CEP128: variants seen among roughly 807,000 people sequenced by gnomAD.
CEP128 encodes the protein centrosomal protein 128.
A neutral mutation model predicts 156.7 loss-of-function variants in CEP128; 132 were observed. The ratio of observed to expected loss-of-function variants is 0.84; its 90% CI spans 0.73 to 0.97. CEP128 has a LOEUF of 0.97. CEP128 is among the 50% of genes least tolerant of loss of function. The pLI is 0.00. For synonymous variants in CEP128, 469 were observed against 448.9 expected (o/e 1.04, Z -0.57); for missense variants, 1,252 against 1,281.9 (o/e 0.98, Z 0.36).
intron 4 of CEP128, among the ~76,000 whole-genome samples, chr14:80,907,359 G>C (rs780296374): frequency 6.6e-6 from 1 of 151,872 alleles, no homozygotes; most frequent in Non-Finnish European, 1.5e-5. Context: ...TTGAGTATTC[G>C]CCAGCCAGCT....
chr14:80,910,511 G>A (rs722906), intron 4 of CEP128, among the ~76,000 whole-genome samples: 67,698 of 151,984 alleles, frequency 0.45, 15,468 homozygotes, highest in South Asian at 0.56. Context: ...CTCCGGCCAT[G>A]TGATGTGTGT....
At chr14:80,948,586 C>T (rs1057492024) in intron 2 of CEP128, among the ~76,000 whole-genome samples, 5 of 152,166 alleles carry the variant, frequency 3.3e-5, no homozygotes, top group Non-Finnish European at 7.4e-5. Flanking sequence ...AAAGATAAAA[C>T]ACACAGAGGC....
chr14:80,954,395 C>T (rs754683326), intron 2 of CEP128, among the ~76,000 whole-genome samples: 3 of 152,132 alleles, frequency 2.0e-5, no homozygotes, highest in African/African-American at 4.8e-5. Context: ...AGTCGCGAGA[C>T]ACTTGGTTCG....
intron 8 of CEP128, among the ~76,000 whole-genome samples, chr14:80,867,592 T>C (rs896394538): frequency 6.6e-6 from 1 of 151,992 alleles, no homozygotes; most frequent in African/African-American, 2.4e-5. Context: ...AACTGAATAA[T>C]TCCAGAGCAA....
At chr14:80,847,202 G>C (rs1566667728) in intron 9 of CEP128, among the ~76,000 whole-genome samples, 1 of 152,074 alleles carries the variant, frequency 6.6e-6, no homozygotes, top group Non-Finnish European at 1.5e-5. Flanking sequence ...AGGGCAAGGA[G>C]GGAAATCAAG....
chr14:80,632,922 G>A (rs1330913483), intron 19 of CEP128, among the ~76,000 whole-genome samples: 4 of 152,056 alleles, frequency 2.6e-5, no homozygotes, highest in South Asian at 2.1e-4. Context: ...TGCTCACTAC[G>A]TGTGCATTTA....
chr14:80,689,634 T>A (rs1438172119), intron 19 of CEP128, among the ~76,000 whole-genome samples: 2 of 152,088 alleles, frequency 1.3e-5, no homozygotes, highest in Non-Finnish European at 2.9e-5. Flanking sequence ...TAAAAAGACA[T>A]TAGGTTTTGA....
intron 19 of CEP128, among the ~76,000 whole-genome samples, chr14:80,741,556 C>A (rs937949052): frequency 6.6e-6 from 1 of 152,124 alleles, no homozygotes; most frequent in African/African-American, 2.4e-5. Context: ...TATAGCAGCA[C>A]TCAGTGATGG....
Position 80,808,824 on chromosome 14 carries a change from G to A in CEP128, c.1210-15714C>T, listed in dbSNP as rs899543217. The stretch of plus-strand genomic sequence containing the variant: ...ATGCACCCAGAATAAAAGCCTAAGG[G>A]CCCTTCCCAACCAACGCCACTAATG... On this transcript the variant is annotated intron_variant, in intron 13 of 24. Coordinates refer to ENST00000555265, the MANE Select transcript of CEP128 (RefSeq NM_152446.5). 2.3e-4 allele frequency among the ~76,000 whole-genome samples: 35 copies of A among 151,812 alleles called. 1 individual carries two copies. Among genetic ancestry groups the A allele is most frequent in the African/African-American group, 8.2e-4 (34 of 41,324 alleles).
intron 19 of CEP128, among the ~76,000 whole-genome samples, chr14:80,667,684 C>A (rs1288850068): frequency 6.6e-6 from 1 of 151,854 alleles, no homozygotes; most frequent in African/African-American, 2.4e-5. Flanking sequence ...CGGTGAAACC[C>A]CGTCTCTACT....
At chr14:80,892,219 C>A (rs1016788106) in intron 8 of CEP128, among the ~76,000 whole-genome samples, 1 of 151,800 alleles carries the variant, frequency 6.6e-6, no homozygotes, top group Admixed American at 6.6e-5. Flanking sequence ...GACACATACA[C>A]CAATAGAACA....
Position 80,679,859 on chromosome 14 carries a change from G to A in CEP128, c.2806+63216C>T, listed in dbSNP as rs143887427. Among the ~76,000 whole-genome samples, 62 of 152,274 alleles carry A rather than the reference G, an allele frequency of 4.1e-4. No individual in the cohort carries two copies. The South Asian group carries it at 5.8e-3, about 14-fold the overall frequency. On this transcript the variant is annotated intron_variant, in intron 19 of 24. Transcript: ENST00000555265. ...GTGGGCAACACAGTCCTACCAATATGTGATGTCACCCCCGGAGGCCCAGCT... is the reference window on the plus strand; with the variant it reads ...GTGGGCAACACAGTCCTACCAATATATGATGTCACCCCCGGAGGCCCAGCT...
intron 19 of CEP128, among the ~76,000 whole-genome samples, chr14:80,654,339 G>T (rs886647707): frequency 6.6e-6 from 1 of 152,090 alleles, no homozygotes; most frequent in Non-Finnish European, 1.5e-5. Context: ...GAAGATGAAG[G>T]GCTTGGGAGA....
intron 20 of CEP128, among the ~76,000 whole-genome samples, chr14:80,561,351 T>G (rs1051539106): frequency 2.0e-5 from 3 of 152,224 alleles, no homozygotes; most frequent in East Asian, 3.8e-4. Context: ...TTGTATATTG[T>G]CACATTTGAG....
rs753493535 is a variant in CEP128 at position 80,815,713 on chromosome 14, T to TAC, written c.1209+15428_1209+15429dup. ...TGGATTTTTGAAAATGTGGTGTGTA[T>TAC]ACACACACACACAAAATGGAATACT... On this transcript the variant is annotated intron_variant, in intron 13 of 24. Transcript: ENST00000555265. Among the ~76,000 whole-genome samples, 55 of 152,092 alleles carry TAC rather than the reference T, an allele frequency of 3.6e-4. No homozygotes were observed. The South Asian group carries it at 5.8e-3, about 16-fold the overall frequency.
intron 19 of CEP128, among the ~76,000 whole-genome samples, chr14:80,667,285 A>T (rs1895656269): frequency 2.6e-5 from 4 of 152,180 alleles, no homozygotes; most frequent in Admixed American, 2.6e-4. Context: ...GCAGCTACAC[A>T]CCTTAAAAAT....
At chr14:80,577,007 A>C (rs1891389918) in intron 20 of CEP128, among the ~76,000 whole-genome samples, 1 of 152,150 alleles carries the variant, frequency 6.6e-6, no homozygotes, top group Admixed American at 6.5e-5. Flanking sequence ...CCCATAGCTA[A>C]ATGGATTCAA....
At chr14:80,713,318 C>G (rs1325649344) in intron 19 of CEP128, among the ~76,000 whole-genome samples, 2 of 152,140 alleles carry the variant, frequency 1.3e-5, no homozygotes, top group African/African-American at 4.8e-5. Flanking sequence ...TTGAAATATA[C>G]TACGACTTCT....
At chr14:80,939,220 G>A (rs1886011266) in intron 2 of CEP128, among the ~76,000 whole-genome samples, 165 bp downstream of exon 2, 1 of 152,164 alleles carries the variant, frequency 6.6e-6, no homozygotes, top group Non-Finnish European at 1.5e-5. Flanking sequence ...TTGTTCATCT[G>A]AATTTTTGCA....
Sources: allele counts gnomAD v4.1 joint callset (sites outside exome capture counted in the v4.1 genomes callset), GRCh38; gene constraint gnomAD v4.1.1; transcripts MANE v1.5; gene names NCBI Gene and HGNC (gene_info 2026-07-23, HGNC 2026-07-21).